The following ADARB2 variants were observed in gnomAD, a reference collection of about 807,000 sequenced individuals.
ADARB2 encodes adenosine deaminase RNA specific B2 (inactive), also known as inactive double-stranded RNA-specific editase B2.
ADARB2 carries 25 observed loss-of-function variants against 62.2 expected under a neutral mutation model. The observed-to-expected ratio is 0.40, with a 90% CI of 0.29 to 0.56. The LOEUF (loss-of-function observed/expected upper bound fraction) is 0.56. ADARB2 is among the 20% of genes least tolerant of loss of function. The probability of loss-of-function intolerance (pLI) is 0.43; values close to 1 mark genes in which losing one functional copy is unlikely to be tolerated. For synonymous variants in ADARB2, 572 were observed against 500.8 expected, an observed-to-expected ratio of 1.14 and a Z score of -1.90; for missense variants, 1,071 against 1,077.4, an observed-to-expected ratio of 0.99 and a Z score of 0.08.
intron 1 of ADARB2, among the ~76,000 whole-genome samples, chr10:1,416,797 T>G (rs1032786294): frequency 2.0e-5 from 3 of 152,238 alleles, no homozygotes; most frequent in Non-Finnish European, 2.9e-5. Flanking sequence ...GTAAGTCACG[T>G]GGTGAAACCC....
chr10:1,347,262 G>T (rs1396044245), intron 3 of ADARB2, among the ~76,000 whole-genome samples: 3 of 152,208 alleles, frequency 2.0e-5, no homozygotes, highest in African/African-American at 7.2e-5. Flanking sequence ...TAAAGTTGCA[G>T]TGAGTCGTGT....
chr10:1,549,624 G>A (rs907845200), intron 1 of ADARB2, among the ~76,000 whole-genome samples: 2 of 151,888 alleles, frequency 1.3e-5, no homozygotes, highest in African/African-American at 4.8e-5. Flanking sequence ...TGCAGAGCAC[G>A]GCACTGAGAG....
chr10:1,512,698 G>A lies in ADARB2; in HGVS notation c.101-133538C>T, dbSNP rs544445509. Among the ~76,000 whole-genome samples the A allele has an allele frequency of 4.6e-5, 7 of 152,340 alleles. No homozygotes were observed. In the South Asian group the frequency reaches 1.5e-3, roughly 32 times the overall value. ...TCATTGCCAGACAACACCTTCTCAG[G>A]GGTCATAGCTTCAGCCACAAGCAAG... On this transcript the variant is annotated intron_variant, in intron 1 of 9. Transcript: ENST00000381312.
chr10:1,594,937 C>A lies in ADARB2; in HGVS notation c.100+142114G>T, dbSNP rs1833310755. ...CATCCAGCACACAGCCGCTGAGCGCCCACTGCCTCCCCCATCTCTGCTGGG... is the reference window on the plus strand; with the variant it reads ...CATCCAGCACACAGCCGCTGAGCGCACACTGCCTCCCCCATCTCTGCTGGG... On this transcript the variant is annotated intron_variant, in intron 1 of 9. Coordinates refer to ENST00000381312, the MANE Select transcript of ADARB2 (RefSeq NM_018702.4). Among the ~76,000 whole-genome samples the A allele has an allele frequency of 5.3e-5, 8 of 152,296 alleles. No homozygotes were observed. The South Asian group carries it at 1.7e-3, about 32-fold the overall frequency.
chr10:1,656,124 T>G (rs570768662), intron 1 of ADARB2, among the ~76,000 whole-genome samples: 1 of 152,378 alleles, frequency 6.6e-6, no homozygotes, highest in South Asian at 2.1e-4. Flanking sequence ...CTGGGATATT[T>G]TTCTTACTCC....
chr10:1,529,796 C>T (rs577009745), intron 1 of ADARB2, among the ~76,000 whole-genome samples: 50 of 152,290 alleles, frequency 3.3e-4, no homozygotes, highest in Non-Finnish European at 5.6e-4. Flanking sequence ...TTCAGGGGCA[C>T]GCGCAGGGCA....
intron 1 of ADARB2, among the ~76,000 whole-genome samples, chr10:1,618,783 G>T (rs896942397): frequency 2.6e-5 from 4 of 152,168 alleles, no homozygotes; most frequent in South Asian, 4.1e-4. Context: ...GTATTGTTTT[G>T]TTGGAGAGAT....
At chr10:1,631,143 G>T (rs1171439879) in intron 1 of ADARB2, among the ~76,000 whole-genome samples, 3 of 152,166 alleles carry the variant, frequency 2.0e-5, no homozygotes, top group African/African-American at 7.2e-5. Context: ...CAAGAAAAAA[G>T]GGTGTGCAAC....
chr10:1,644,599 GC>G (rs1315126140), intron 1 of ADARB2, among the ~76,000 whole-genome samples: 14 of 152,264 alleles, frequency 9.2e-5, no homozygotes, highest in Non-Finnish European at 1.5e-4. Flanking sequence ...TGTCACATGA[GC>G]TTTGTCTTGT....
At chr10:1,229,797 T>TATGC (rs374909634) in intron 6 of ADARB2, among the ~76,000 whole-genome samples, 4 of 145,410 alleles carry the variant, frequency 2.8e-5, no homozygotes, top group Admixed American at 2.7e-4. Context: ...TGTGTTTATG[T>TATGC]GTGTGCGTGT....
In ADARB2 at chr10:1,408,404, C is replaced by G. The variant is rs74807180; in HGVS notation, c.101-29244G>C. On this transcript the variant is annotated intron_variant, in intron 1 of 9. Transcript: ENST00000381312. ...ATATTATTAAGGATGCTGCACTGAACATCTTTACACATGAGTCTTGAACCA... is the reference window on the plus strand; with the variant it reads ...ATATTATTAAGGATGCTGCACTGAAGATCTTTACACATGAGTCTTGAACCA... Among the ~76,000 whole-genome samples the G allele has an allele frequency of 2.0e-3, 307 of 152,306 alleles. 10 individuals are homozygous for G. In the East Asian group the frequency reaches 0.056, roughly 28 times the overall value.
intron 1 of ADARB2, among the ~76,000 whole-genome samples, chr10:1,476,992 C>T (rs867137792): frequency 2.0e-4 from 30 of 152,262 alleles, no homozygotes; most frequent in Middle Eastern, 6.8e-3. Context: ...CCACGGGTTC[C>T]GGATGCTGAC....
chr10:1,572,277 G>T (rs1832952888), intron 1 of ADARB2, among the ~76,000 whole-genome samples: 3 of 151,820 alleles, frequency 2.0e-5, no homozygotes, highest in African/African-American at 7.3e-5. Flanking sequence ...GCAGGTGAGT[G>T]TGAAGATGAG....
chr10:1,735,465 T>C (rs993504073), intron 1 of ADARB2, among the ~76,000 whole-genome samples: 1 of 152,184 alleles, frequency 6.6e-6, no homozygotes, highest in African/African-American at 2.4e-5. Context: ...ATTCTTCAAC[T>C]CTAAATATTT....
At chr10:1,268,318 G>A (rs1330511302) in intron 4 of ADARB2, among the ~76,000 whole-genome samples, 2 of 152,052 alleles carry the variant, frequency 1.3e-5, no homozygotes, top group African/African-American at 4.8e-5. Context: ...AAGTTCTTTA[G>A]AATCTTTACC....
At chr10:1,505,647 C>A (rs1384338224) in intron 1 of ADARB2, among the ~76,000 whole-genome samples, 1 of 151,992 alleles carries the variant, frequency 6.6e-6, no homozygotes, top group Admixed American at 6.6e-5. Flanking sequence ...CTCCCATCCC[C>A]ACCATGGCAG....
chr10:1,309,229 A>G (rs1036350830), intron 3 of ADARB2, among the ~76,000 whole-genome samples: 2 of 152,208 alleles, frequency 1.3e-5, no homozygotes, highest in East Asian at 3.8e-4. Context: ...CATGTTGGGT[A>G]TTGAGCACCA....
chr10:1,476,255 C>G (rs1218056275), intron 1 of ADARB2, among the ~76,000 whole-genome samples: 2 of 152,076 alleles, frequency 1.3e-5, no homozygotes, highest in South Asian at 2.1e-4. Context: ...GCCAGGGGGG[C>G]CTGCCTCAGG....
rs145378213 is a variant in ADARB2 at position 1,627,216 on chromosome 10, G to A, written c.100+109835C>T. Among the ~76,000 whole-genome samples, 89 of 151,940 alleles carry A rather than the reference G, an allele frequency of 5.9e-4. 1 individual carries two copies. The highest frequency in any genetic ancestry group is 8.5e-4 in the Admixed American group (13 of 15,266). On this transcript the variant is annotated intron_variant, in intron 1 of 9. Transcript: ENST00000381312. ...CACAAGAAGGGGCTTGACGAGCCTC[G>A]GATTGATTTATTGATTTAGAGGTTG...
Sources: gnomAD v4.1 joint callset for allele counts (sites outside exome capture counted in the v4.1 genomes callset) on GRCh38, gnomAD v4.1.1 for gene constraint, MANE v1.5 for transcripts, NCBI Gene and HGNC (gene_info 2026-07-23, HGNC 2026-07-21) for gene names.